Variants in RABGAP1L observed in about 807,000 individuals in gnomAD.
RABGAP1L encodes the protein RAB GTPase activating protein 1 like.
Under a neutral mutation model 137.7 loss-of-function variants are expected in RABGAP1L, and 63 were observed. That is an observed-to-expected ratio of 0.46 (90% confidence interval 0.37 to 0.56). RABGAP1L has a LOEUF of 0.56. RABGAP1L is among the 20% of genes least tolerant of loss of function. The pLI is 0.00. For synonymous variants in RABGAP1L, 431 were observed against 433.7 expected, an observed-to-expected ratio of 0.99 and a Z score of 0.08; for missense variants, 1,095 against 1,244.0, an observed-to-expected ratio of 0.88 and a Z score of 1.80.
At chr1:174,175,545 T>C (rs12079687) in intron 1 of RABGAP1L, among the ~76,000 whole-genome samples, 43,002 of 148,226 alleles carry the variant, frequency 0.29, 6,742 homozygotes, top group African/African-American at 0.36. Context: ...CTGTAACCTC[T>C]GCCTGCTGGG....
intron 1 of RABGAP1L, among the ~76,000 whole-genome samples, chr1:174,174,208 A>T (rs935840674): frequency 1.3e-5 from 1 of 76,800 alleles, no homozygotes; most frequent in Non-Finnish European, 2.6e-5. Flanking sequence ...ACACACACAC[A>T]CACACACACA....
At chr1:174,663,181 C>A (rs1467395736) in intron 14 of RABGAP1L, among the ~76,000 whole-genome samples, 1 of 152,194 alleles carries the variant, frequency 6.6e-6, no homozygotes, top group Admixed American at 6.5e-5. Context: ...TCACCCAGAG[C>A]AACTTCCAGT....
intron 11 of RABGAP1L, 146 bp downstream of exon 11, chr1:174,305,273 A>C: frequency 1.2e-6 from 1 of 819,174 alleles, no homozygotes; most frequent in East Asian, 3.3e-5. Context: ...GGTGCAGAAA[A>C]GAATTTGGTT....
chr1:174,747,684 C>T (rs1683994013), intron 17 of RABGAP1L, among the ~76,000 whole-genome samples: 1 of 151,932 alleles, frequency 6.6e-6, no homozygotes, highest in South Asian at 2.1e-4. Flanking sequence ...TTCAAAACAT[C>T]ATTATCTACT....
chr1:174,868,696 A>G (rs944813196), intron 19 of RABGAP1L, among the ~76,000 whole-genome samples: 22 of 152,198 alleles, frequency 1.4e-4, no homozygotes, highest in African/African-American at 4.8e-4. Context: ...TGTTCTTTTC[A>G]TAGTTGTTCA....
intron 15 of RABGAP1L, among the ~76,000 whole-genome samples, chr1:174,684,237 AGAG>A (rs1384599907): frequency 6.6e-6 from 1 of 152,222 alleles, no homozygotes; most frequent in African/African-American, 2.4e-5. Flanking sequence ...AAGAGAATAG[AGAG>A]GAGAATTACC....
chr1:174,614,508 A>T (rs959597360), intron 13 of RABGAP1L, among the ~76,000 whole-genome samples: 1 of 152,030 alleles, frequency 6.6e-6, no homozygotes, highest in Non-Finnish European at 1.5e-5. Flanking sequence ...GCTGCCCTTA[A>T]CATTTTTTCC....
chr1:174,291,300 C>G (rs965731006), intron 10 of RABGAP1L, among the ~76,000 whole-genome samples: 2 of 151,616 alleles, frequency 1.3e-5, no homozygotes, highest in Non-Finnish European at 2.9e-5. Context: ...ACCTTGCATT[C>G]CTTAGGAAAA....
At chr1:174,434,931 T>A (rs773520319) in intron 13 of RABGAP1L, among the ~76,000 whole-genome samples, 7 of 152,222 alleles carry the variant, frequency 4.6e-5, no homozygotes, top group Non-Finnish European at 1.0e-4. Context: ...TTGCTGATTT[T>A]CTTAATGATG....
chr1:174,641,176 A>G (rs1674506065), intron 14 of RABGAP1L, among the ~76,000 whole-genome samples: 1 of 151,844 alleles, frequency 6.6e-6, no homozygotes, highest in Non-Finnish European at 1.5e-5. Context: ...TTAGAAATCA[A>G]CTCTGTTTTC....
chr1:174,586,787 G>A (rs959915072), intron 13 of RABGAP1L, among the ~76,000 whole-genome samples: 1 of 152,006 alleles, frequency 6.6e-6, no homozygotes, highest in African/African-American at 2.4e-5. Context: ...GTACAGACAG[G>A]GTTTCACCGT....
At chr1:174,421,068 A>C (rs1651228878) in intron 13 of RABGAP1L, among the ~76,000 whole-genome samples, 1 of 152,178 alleles carries the variant, frequency 6.6e-6, no homozygotes, top group Admixed American at 6.5e-5. Context: ...TGCAAATTTT[A>C]CAAAAGTATA....
intron 13 of RABGAP1L, among the ~76,000 whole-genome samples, chr1:174,500,380 G>A (rs777660177): frequency 3.0e-4 from 46 of 151,948 alleles, no homozygotes; most frequent in Admixed American, 9.2e-4. Context: ...GAGCTCAGCC[G>A]GTGGGTTTCT....
At chr1:174,551,556 A>G (rs1160126904) in intron 13 of RABGAP1L, among the ~76,000 whole-genome samples, 2 of 152,174 alleles carry the variant, frequency 1.3e-5, no homozygotes, top group African/African-American at 2.4e-5. Context: ...CTCACTTTTG[A>G]AATGAGGAAG....
chr1:174,285,878 T>C (rs181353539), intron 10 of RABGAP1L, among the ~76,000 whole-genome samples: 1 of 152,338 alleles, frequency 6.6e-6, no homozygotes, highest in African/African-American at 2.4e-5. Flanking sequence ...ATGTGGTTTA[T>C]CACATTTATT....
At chr1:174,819,662 A>T (rs1690819591) in intron 19 of RABGAP1L, among the ~76,000 whole-genome samples, 1 of 152,214 alleles carries the variant, frequency 6.6e-6, no homozygotes, top group African/African-American at 2.4e-5. Flanking sequence ...AAGCCTGTGA[A>T]GAGGGAGAGA....
intron 1 of RABGAP1L, among the ~76,000 whole-genome samples, chr1:174,180,491 G>T (rs1257858854): frequency 1.3e-5 from 2 of 152,010 alleles, no homozygotes; most frequent in East Asian, 3.8e-4. Flanking sequence ...TTGAGATAAG[G>T]TCTCACTCTG....
At chr1:174,167,702 G>T (rs1320654311) in intron 1 of RABGAP1L, among the ~76,000 whole-genome samples, 1 of 152,130 alleles carries the variant, frequency 6.6e-6, no homozygotes, top group Non-Finnish European at 1.5e-5. Context: ...AAAATTAGAA[G>T]ACTTTAAGAA....
chr1:174,486,961 C>G (rs940325588), intron 13 of RABGAP1L, among the ~76,000 whole-genome samples: 1 of 151,966 alleles, frequency 6.6e-6, no homozygotes, highest in African/African-American at 2.4e-5. Flanking sequence ...TTACTAATTT[C>G]TAGTTTTATT....
Sources: gnomAD v4.1 joint callset for allele counts (sites outside exome capture counted in the v4.1 genomes callset) on GRCh38, gnomAD v4.1.1 for gene constraint, MANE v1.5 for transcripts, NCBI Gene and HGNC (gene_info 2026-07-23, HGNC 2026-07-21) for gene names.